The following PAPPA variants were observed in gnomAD, a reference collection of about 807,000 sequenced individuals.
The protein encoded by PAPPA is pappalysin-1.
PAPPA carries 60 observed loss-of-function variants against 164.0 expected under a neutral mutation model. The observed-to-expected ratio is 0.37, with a 90% confidence interval of 0.30 to 0.45. The LOEUF is 0.45. Among genes scored for constraint, PAPPA ranks in the 20% least tolerant of loss-of-function variants. PAPPA has a pLI of 1.00. For missense variants in PAPPA, 1,782 were observed against 2,087.3 expected, an observed-to-expected ratio of 0.85 and a Z score of 2.85; for synonymous variants, 875 against 814.1, an observed-to-expected ratio of 1.07 and a Z score of -1.27.
In PAPPA at chr9:116,251,562, T is replaced by A. The variant is rs138834327; in HGVS notation, c.2733-14295T>A. Among the ~76,000 whole-genome samples the A allele has an allele frequency of 3.5e-3, 538 of 152,322 alleles. 1 individual carries two copies. The highest frequency in any genetic ancestry group is 0.012 in the African/African-American group (514 of 41,572). On this transcript the variant is annotated intron_variant, in intron 7 of 21. Transcript: ENST00000328252. ...CAATCACCAGCTGTCACTGGGGCCC[T>A]CCGTTGGACTCCCTGGCCCTGACTT...
At chr9:116,256,979 C>G (rs1375905835) in intron 7 of PAPPA, among the ~76,000 whole-genome samples, 1 of 151,226 alleles carries the variant, frequency 6.6e-6, no homozygotes, top group African/African-American at 2.4e-5. Context: ...AAACAAATAT[C>G]AAAGTATCAG....
chr9:116,187,309 T>C lies in PAPPA; in HGVS notation c.571T>C (p.Tyr191His). The C allele has an allele frequency of 6.2e-7, 1 of 1,614,172 alleles. No homozygotes were observed. The highest frequency in any genetic ancestry group is 8.5e-7 in the Non-Finnish European group (1 of 1,180,030). Reference sequence around the variant, plus strand: ...GACCACCATCAATGCCCACCGCAGCTACCTCCCAGGCCAGTGGGTATACCT... The same window carrying C: ...GACCACCATCAATGCCCACCGCAGCCACCTCCCAGGCCAGTGGGTATACCT... Reference protein sequence around the residue: ...QVTTINAHRSYLPGQWVYLAA... With the variant: ...QVTTINAHRSHLPGQWVYLAA... The change falls in exon 2 of 22, where the codon TAC becomes CAC. Residue 191 changes from tyrosine (Y) to histidine (H), a missense_variant. This residue lies in a region of PAPPA where 458 missense variants were observed against 430.3 expected (regional missense o/e 1.06). Transcript: ENST00000328252. The surrounding 1 kb of genome is among the most constrained non-coding windows in gnomAD (Gnocchi z 4.2).
At chr9:116,283,498 C>A (rs1443826459) in intron 9 of PAPPA, among the ~76,000 whole-genome samples, 2 of 152,118 alleles carry the variant, frequency 1.3e-5, no homozygotes. Flanking sequence ...CATCCCATAG[C>A]AAGCAGTAGT....
intron 7 of PAPPA, among the ~76,000 whole-genome samples, chr9:116,239,917 G>A (rs946027651): frequency 3.3e-5 from 5 of 152,110 alleles, no homozygotes; most frequent in Non-Finnish European, 7.4e-5. Context: ...TGATGTCTTG[G>A]TGTCCAATAA....
At chr9:116,363,906 T>G (rs1437789957) in intron 18 of PAPPA, among the ~76,000 whole-genome samples, 1 of 152,216 alleles carries the variant, frequency 6.6e-6, no homozygotes, top group African/African-American at 2.4e-5. Context: ...TCAGCACTCT[T>G]GTGTTTAGCC....
rs531048021 is a variant in PAPPA, at chr9:116,173,603, T to G, written c.416-13551T>G. ...GCCATTGTACTTCATTTCCCTCAGT[T>G]ACTCTGTGCACCCTCAATCCCATCA... On this transcript the variant is annotated intron_variant, in intron 1 of 21. Coordinates refer to ENST00000328252, the MANE Select transcript of PAPPA (RefSeq NM_002581.5). Among the ~76,000 whole-genome samples, 4 of 152,324 alleles carry G rather than the reference T, an allele frequency of 2.6e-5. No homozygotes were observed. In the East Asian group the frequency reaches 5.8e-4, roughly 22 times the overall value.
chr9:116,395,692 T>C (rs764797122), intron 21 of PAPPA, among the ~76,000 whole-genome samples: 8 of 152,244 alleles, frequency 5.3e-5, no homozygotes, highest in Non-Finnish European at 7.3e-5. Context: ...AACTGGCAAC[T>C]GTATTGAACT....
At chr9:116,244,602 G>A (rs1423537950) in intron 7 of PAPPA, among the ~76,000 whole-genome samples, 2 of 152,102 alleles carry the variant, frequency 1.3e-5, no homozygotes, top group East Asian at 3.9e-4. Flanking sequence ...TTAAGAGAGA[G>A]TCTGTAGAAG....
chr9:116,279,705 T>G (rs965000364), intron 9 of PAPPA, among the ~76,000 whole-genome samples: 1 of 152,158 alleles, frequency 6.6e-6, no homozygotes. Flanking sequence ...TTGTGATATT[T>G]AAAGTGACCA....
intron 6 of PAPPA, among the ~76,000 whole-genome samples, chr9:116,232,267 C>T (rs1047486816): frequency 6.6e-6 from 1 of 152,118 alleles, no homozygotes; most frequent in Non-Finnish European, 1.5e-5. Context: ...TACACTCTCT[C>T]CCAACTATTC....
rs574150485 is a variant in PAPPA, at chr9:116,249,210, G to C, written c.2732+13573G>C. On this transcript the variant is annotated intron_variant, in intron 7 of 21. Coordinates refer to ENST00000328252, the MANE Select transcript of PAPPA (RefSeq NM_002581.5). ...AACAGTGCAAAAGCTATTATGTAAA[G>C]GGAAGCACATGGGCTAAGAGCTCCT... Among the ~76,000 whole-genome samples, 7 of 152,324 alleles carry C rather than the reference G, an allele frequency of 4.6e-5. No individual in the cohort carries two copies. In the South Asian group the frequency reaches 1.5e-3, roughly 32 times the overall value.
In PAPPA at chr9:116,347,100, C is replaced by T; in HGVS notation, c.3855C>T (p.Cys1285=). The T allele has an allele frequency of 1.2e-6, 2 of 1,614,160 alleles. No individual in the cohort carries two copies. The highest frequency in any genetic ancestry group is 8.5e-7 in the Non-Finnish European group (1 of 1,179,990). ...AGGTGGCCTGTGAGCCAGTCGACTG[C>T]AGCATCCCAGATCACCATCAAGTCT... ...NKQVACEPVD[C]SIPDHHQVYA... Residue 1285 remains cysteine (C), a synonymous_variant, in exon 15 of 22, where the codon TGC becomes TGT. Transcript: ENST00000328252. This position sits in a 1 kb window ranked among gnomAD's most constrained non-coding sequence, Gnocchi z 4.5.
chr9:116,308,502 T>C (rs776707472), intron 10 of PAPPA, among the ~76,000 whole-genome samples: 7 of 152,170 alleles, frequency 4.6e-5, no homozygotes, highest in African/African-American at 1.2e-4. Context: ...ACACAAAGGC[T>C]CAGAGAGCAG....
At chr9:116,211,326 CAG>C (rs1844304231) in intron 3 of PAPPA, among the ~76,000 whole-genome samples, 2 of 152,334 alleles carry the variant, frequency 1.3e-5, no homozygotes, top group South Asian at 4.1e-4. Context: ...GCCCAGAAAT[CAG>C]AGTTTCTGAA....
chr9:116,277,033 A>G (rs895177668), intron 9 of PAPPA, among the ~76,000 whole-genome samples: 1 of 152,124 alleles, frequency 6.6e-6, no homozygotes, highest in South Asian at 2.1e-4. Context: ...TTCCGATGAG[A>G]CTTTAGAACA....
Position 116,334,988 on chromosome 9 carries a change from G to T in PAPPA, c.3525G>T (p.Gly1175=). 1 of 1,613,970 alleles carries T rather than the reference G, an allele frequency of 6.2e-7. No individual in the cohort carries two copies. Among genetic ancestry groups the T allele is most frequent in the Non-Finnish European group, 8.5e-7 (1 of 1,180,016 alleles). The part of the protein sequence containing the change: ...SFSSPLVAIS[G]VALRSFDNFD... Reference sequence around the variant, plus strand: ...GTTCGCCCCTGGTCGCCATCTCGGGGGTGGCCCTCCGTTCCTTCGACAACT... The same window carrying T: ...GTTCGCCCCTGGTCGCCATCTCGGGTGTGGCCCTCCGTTCCTTCGACAACT... Residue 1175 remains glycine (G), a synonymous_variant, in exon 13 of 22, where the codon GGG becomes GGT. Transcript: ENST00000328252.
chr9:116,272,855 G>A (rs1460085035), intron 9 of PAPPA, among the ~76,000 whole-genome samples: 1 of 152,104 alleles, frequency 6.6e-6, no homozygotes, highest in Admixed American at 6.5e-5. Flanking sequence ...ACATAAAGCT[G>A]GCCAAGTGGC....
intron 4 of PAPPA, among the ~76,000 whole-genome samples, chr9:116,218,144 T>A (rs1439623198): frequency 1.3e-5 from 2 of 152,162 alleles, no homozygotes; most frequent in Non-Finnish European, 2.9e-5. Flanking sequence ...TTAAGAGACA[T>A]TGGGCTCTTC....
chr9:116,242,467 T>C (rs1325507099), intron 7 of PAPPA, among the ~76,000 whole-genome samples: 1 of 152,240 alleles, frequency 6.6e-6, no homozygotes, highest in Non-Finnish European at 1.5e-5. Context: ...TGTATTAATT[T>C]GGGATATCTA....
Sources: gnomAD v4.1 joint callset for allele counts (sites outside exome capture counted in the v4.1 genomes callset) on GRCh38, gnomAD v4.1.1 for gene constraint, gnomAD v4.1.1 regional missense constraint, Gnocchi (gnomAD v3.1) non-coding constraint, MANE v1.5 for transcripts, NCBI Gene and HGNC (gene_info 2026-07-23, HGNC 2026-07-21) for gene names.